FIP1L1: variants seen among roughly 807,000 people sequenced by gnomAD.
FIP1L1 encodes the protein factor interacting with PAPOLA and CPSF1.
FIP1L1 carries 21 observed loss-of-function variants against 84.6 expected under a neutral mutation model. That is an observed-to-expected ratio of 0.25 (90% CI 0.18 to 0.36). FIP1L1 has a LOEUF of 0.36. Among genes scored for constraint, FIP1L1 ranks in the 10% least tolerant of loss-of-function variants. FIP1L1 has a pLI of 1.00. For synonymous variants in FIP1L1, 263 were observed against 242.3 expected (o/e 1.09, Z -0.80); for missense variants, 526 against 751.1 (o/e 0.70, Z 3.50).
chr4:53,451,091 A>C (rs1371809335), intron 15 of FIP1L1, among the ~76,000 whole-genome samples: 2 of 151,378 alleles, frequency 1.3e-5, no homozygotes, highest in African/African-American at 2.4e-5. Context: ...CAGCCTTCCA[A>C]ATAGCTGGGA....
chr4:53,399,693 G>A (rs1749239654), intron 9 of FIP1L1, 37 bp from the exon 10 acceptor site: 1 of 1,373,932 alleles, frequency 7.3e-7, no homozygotes, highest in Admixed American at 1.8e-5. Context: ...TGAGTGTTCT[G>A]TTAAATTCAA....
chr4:53,454,667 A>T (rs1186939633), intron 16 of FIP1L1, among the ~76,000 whole-genome samples: 1 of 152,162 alleles, frequency 6.6e-6, no homozygotes, highest in Non-Finnish European at 1.5e-5. Flanking sequence ...CATAATTCTA[A>T]GTCGATTTAC....
intron 12 of FIP1L1, among the ~76,000 whole-genome samples, chr4:53,427,455 AACC>A (rs1416736576): frequency 6.6e-6 from 1 of 152,176 alleles, no homozygotes; most frequent in Non-Finnish European, 1.5e-5. Flanking sequence ...TTCAAGAATA[AACC>A]CTGGTCTTAA....
In FIP1L1 at chr4:53,425,787, AT is replaced by A. The variant is rs555589142; in HGVS notation, c.924-81del. On this transcript the variant is annotated intron_variant, in intron 11 of 17. Coordinates refer to ENST00000337488, the MANE Select transcript of FIP1L1 (RefSeq NM_030917.4). ...TTATTTTAAAATTTATTGCAAACACATTTTGTTTTTATTTCTCACTGCTTTT... is the reference window on the plus strand; with the variant it reads ...TTATTTTAAAATTTATTGCAAACACATTTGTTTTTATTTCTCACTGCTTTT... 1.8e-3 allele frequency: 1,731 copies of A among 939,180 alleles called. 9 individuals are homozygous for A. The highest frequency in any genetic ancestry group is 8.6e-3 in the South Asian group (538 of 62,342). 58.2% of individuals were successfully genotyped at this position (939,180 alleles called of 1,614,324 possible). A position where few individuals can be genotyped will look rare whatever the true frequency, so the allele number is the denominator to read the frequency against.
In FIP1L1 at chr4:53,425,900, G is replaced by T; in HGVS notation, c.952G>T (p.Gly318Cys). 2 of 1,609,980 alleles carry T rather than the reference G, an allele frequency of 1.2e-6. No individual in the cohort carries two copies. Among genetic ancestry groups the T allele is most frequent in the East Asian group, 2.2e-5 (1 of 44,698 alleles). ...RRLPGAIDVI[G>C]QTITISRVEG... Reference sequence around the variant, plus strand: ...ATTACCTGGGGCAATTGATGTTATCGGTCAGACTATAACTATCAGCCGAGT... The same window carrying T: ...ATTACCTGGGGCAATTGATGTTATCTGTCAGACTATAACTATCAGCCGAGT... Residue 318 changes from glycine to cysteine, a missense_variant, in exon 12 of 18, where the codon GGT (glycine) becomes TGT (cysteine). By Grantham distance (159) the Gly-to-Cys change is radical. Coordinates refer to ENST00000337488, the MANE Select transcript of FIP1L1 (RefSeq NM_030917.4).
In FIP1L1 at chr4:53,453,100, G is replaced by A. The variant is rs777738679; in HGVS notation, c.1466G>A (p.Arg489His). Residue 489 changes from arginine (R) to histidine (H), a missense_variant, in exon 16 of 18, where the codon CGT (arginine) becomes CAT (histidine). Arg to His is a conservative substitution (Grantham distance 29). This residue lies in a region of FIP1L1 where 89 missense variants were observed against 169.0 expected (regional missense o/e 0.53). Transcript: ENST00000337488. ...RERTRERERE[R>H]DHSPTPSVFN... ...CGCACCAGAGAGAGAGAGAGGGAGC[G>A]TGATCACAGTCCTACACCAAGTGTT... The A allele has an allele frequency of 2.5e-6, 4 of 1,613,848 alleles. No individual in the cohort carries two copies. Among genetic ancestry groups the A allele is most frequent in the Admixed American group, 1.7e-5 (1 of 59,988 alleles).
intron 9 of FIP1L1, among the ~76,000 whole-genome samples, chr4:53,399,316 G>T (rs1272938705): frequency 6.6e-6 from 1 of 152,206 alleles, no homozygotes; most frequent in Non-Finnish European, 1.5e-5. Flanking sequence ...TGGTCAGAAT[G>T]GCTAAAATGG....
At chr4:53,387,379 T>G (rs1227709456) in intron 5 of FIP1L1, among the ~76,000 whole-genome samples, 1 of 152,206 alleles carries the variant, frequency 6.6e-6, no homozygotes, top group Non-Finnish European at 1.5e-5. Context: ...GACTTAAAGA[T>G]TTCTAGAGCA....
intron 13 of FIP1L1, among the ~76,000 whole-genome samples, chr4:53,431,149 T>A (rs61015316): frequency 0.12 from 17,918 of 152,226 alleles, 1,145 homozygotes; most frequent in East Asian, 0.16. Context: ...AAGATGATTT[T>A]CGGATTTATA....
chr4:53,390,438 G>A, intron 6 of FIP1L1, 83 bp from the exon 7 acceptor site: 1 of 777,394 alleles, frequency 1.3e-6, no homozygotes, highest in Non-Finnish European at 2.2e-6. Context: ...ATAGTAAAAA[G>A]GTGTTTATAT....
chr4:53,407,005 T>G (rs1370034336), intron 10 of FIP1L1, among the ~76,000 whole-genome samples: 1 of 152,198 alleles, frequency 6.6e-6, no homozygotes, highest in South Asian at 2.1e-4. Context: ...GTGTCTCTAT[T>G]TTCTTCAGTT....
intron 5 of FIP1L1, among the ~76,000 whole-genome samples, chr4:53,388,516 T>C (rs1223377247): frequency 2.0e-5 from 3 of 152,126 alleles, no homozygotes; most frequent in Non-Finnish European, 2.9e-5. Flanking sequence ...TTCTATTTTT[T>C]AGTGGAGACG....
chr4:53,383,757 G>A lies in FIP1L1; in HGVS notation c.229-16G>A. On this transcript the variant is annotated splice_polypyrimidine_tract_variant and intron_variant, in intron 4 of 17. Coordinates refer to ENST00000337488, the MANE Select transcript of FIP1L1 (RefSeq NM_030917.4). ...GATTACTGAATGTATTTTATAATTT[G>A]TTTATGTTCATGTAGAAAGTGACTG... The A allele has an allele frequency of 6.3e-7, 1 of 1,589,450 alleles. No homozygotes were observed. Among genetic ancestry groups the A allele is most frequent in the Middle Eastern group, 1.7e-4 (1 of 6,000 alleles).
chr4:53,401,430 T>C (rs555111520), intron 10 of FIP1L1, among the ~76,000 whole-genome samples: 30 of 152,294 alleles, frequency 2.0e-4, no homozygotes, highest in Non-Finnish European at 1.6e-4. Flanking sequence ...GTCGCTTTAC[T>C]AAAAACAGAC....
intron 10 of FIP1L1, among the ~76,000 whole-genome samples, chr4:53,407,759 T>C (rs1754520777): frequency 6.6e-6 from 1 of 152,244 alleles, no homozygotes; most frequent in Admixed American, 6.5e-5. Flanking sequence ...TGGCCTTCTT[T>C]GTCTCTTTTG....
chr4:53,389,814 A>G lies in FIP1L1; in HGVS notation c.338A>G (p.Tyr113Cys). Residue 113 changes from tyrosine to cysteine, a missense_variant, in exon 6 of 18, where the codon TAT becomes TGT. By Grantham distance (194) the Tyr-to-Cys change is radical. Around this residue, in one of 6 missense-constraint regions of FIP1L1, gnomAD observed 169 missense variants for 206.9 expected, o/e 0.82. Transcript: ENST00000337488. ...IKTGAPQYGS[Y>C]GTAPVNLNIK... Reference sequence around the variant, plus strand: ...TTTTGTTTGTTTGTTTTTAGGAGTTATGGTACAGCACCTGTAAATCTTAAC... The same window carrying G: ...TTTTGTTTGTTTGTTTTTAGGAGTTGTGGTACAGCACCTGTAAATCTTAAC... The G allele has an allele frequency of 1.3e-6, 2 of 1,599,640 alleles. No homozygotes were observed. Among genetic ancestry groups the G allele is most frequent in the Non-Finnish European group, 1.7e-6 (2 of 1,175,296 alleles).
In FIP1L1 at chr4:53,391,216, A is replaced by G. The variant is rs115489453; in HGVS notation, c.636+77A>G. ...TACTCCCCAAATAAATCGCTTCCCT[A>G]TAAAAGTGGTTAAATGCTATATGAT... is the stretch of plus-strand genomic sequence containing the variant. On this transcript the variant is annotated intron_variant, in intron 8 of 17. Coordinates refer to ENST00000337488, the MANE Select transcript of FIP1L1 (RefSeq NM_030917.4). 2,374 of 1,475,482 alleles carry G rather than the reference A, an allele frequency of 1.6e-3. 28 individuals are homozygous for G. In the African/African-American group the frequency reaches 0.028, roughly 18 times the overall value. 91.4% of individuals were successfully genotyped at this position (1,475,482 alleles called of 1,614,324 possible).
At chr4:53,455,300 T>C (rs1027224135) in intron 16 of FIP1L1, among the ~76,000 whole-genome samples, 4 of 152,218 alleles carry the variant, frequency 2.6e-5, no homozygotes, top group African/African-American at 9.6e-5. Context: ...ACAACTTGTC[T>C]GTTTGGCACA....
rs1578203256 is a variant in FIP1L1 at position 53,390,881 on chromosome 4, C to G, written c.506-128C>G. 3.8e-6 allele frequency: 3 copies of G among 786,244 alleles called. No individual in the cohort carries two copies. The East Asian group carries it at 8.8e-5, about 23-fold the overall frequency. 48.7% of individuals were successfully genotyped at this position (786,244 alleles called of 1,614,324 possible). On this transcript the variant is annotated intron_variant, in intron 7 of 17. Transcript: ENST00000337488. ...GATCAAAAATGATATAGTCTTTTTG[C>G]CACCATAAATGATAGAGTGATAACT...
Sources: allele counts gnomAD v4.1 joint callset (sites outside exome capture counted in the v4.1 genomes callset), GRCh38; gene constraint gnomAD v4.1.1; regional missense constraint gnomAD v4.1.1; transcripts MANE v1.5; gene names NCBI Gene and HGNC (gene_info 2026-07-23, HGNC 2026-07-21).